AGRN: variants seen among roughly 807,000 people sequenced by gnomAD.
AGRN encodes agrin.
A neutral mutation model predicts 211.0 loss-of-function variants in AGRN; 106 were observed. The observed-to-expected ratio is 0.50, with a 90% CI of 0.43 to 0.59. The LOEUF (loss-of-function observed/expected upper bound fraction) is 0.59. AGRN is among the 20% of genes least tolerant of loss of function. AGRN has a pLI of 0.00. For missense variants in AGRN, 3,040 were observed against 2,982.6 expected, an observed-to-expected ratio of 1.02 and a Z score of -0.45; for synonymous variants, 1,525 against 1,332.5, an observed-to-expected ratio of 1.14 and a Z score of -3.15.
rs550001570 is a variant in AGRN, at chr1:1,025,984, T to TG, written c.463+3531dup. Among the ~76,000 whole-genome samples, 257 of 150,572 alleles carry TG rather than the reference T, an allele frequency of 1.7e-3. 1 individual carries two copies. Among genetic ancestry groups the TG allele is most frequent in the South Asian group, 6.6e-3 (31 of 4,686 alleles). On this transcript the variant is annotated intron_variant, in intron 2 of 35. Coordinates refer to ENST00000379370, the MANE Select transcript of AGRN (RefSeq NM_198576.4). ...TCCTGGGCTTGCCCCTGCCTTGGCC[T>TG]GGGGGGGGGCTTTGCTGGCTGAAAC...
rs779589340 is a variant in AGRN, at chr1:1,045,145, G to T, written c.2255-16G>T. 5.7e-5 allele frequency: 91 copies of T among 1,610,250 alleles called. No individual in the cohort carries two copies. The highest frequency in any genetic ancestry group is 7.5e-5 in the Non-Finnish European group (88 of 1,178,764). Reference sequence around the variant, plus strand: ...CAGCACTGCATGAAATCTGAGTCCCGTACCCTTTCCTGCAGGCCCCACCTT... The same window carrying T: ...CAGCACTGCATGAAATCTGAGTCCCTTACCCTTTCCTGCAGGCCCCACCTT... On this transcript the variant is annotated splice_polypyrimidine_tract_variant and intron_variant, in intron 12 of 35. Coordinates refer to ENST00000379370, the MANE Select transcript of AGRN (RefSeq NM_198576.4).
intron 2 of AGRN, among the ~76,000 whole-genome samples, chr1:1,028,128 G>A (rs916722280): frequency 2.0e-5 from 3 of 152,170 alleles, no homozygotes; most frequent in South Asian, 4.1e-4. Flanking sequence ...CAGGGAAGCC[G>A]GGAAGGAGCT....
intron 2 of AGRN, among the ~76,000 whole-genome samples, chr1:1,024,902 C>A (rs114268650): frequency 6.6e-6 from 1 of 152,230 alleles, no homozygotes; most frequent in Non-Finnish European, 1.5e-5. Context: ...AGGAGACCCC[C>A]GCCCCTGCTT....
At chr1:1,044,479 C>A in intron 12 of AGRN, 40 bp downstream of exon 12, 11 of 1,565,826 alleles carry the variant, frequency 7.0e-6, no homozygotes, top group Non-Finnish European at 9.5e-6. Flanking sequence ...ACAGGCGGGG[C>A]GGCGTCTGGG....
In AGRN at chr1:1,041,387, C is replaced by A. The variant is rs1257343645; in HGVS notation, c.942C>A (p.Asp314Glu). 1 of 1,542,162 alleles carries A rather than the reference C, an allele frequency of 6.5e-7. No homozygotes were observed. Among genetic ancestry groups the A allele is most frequent in the East Asian group, 2.4e-5 (1 of 42,070 alleles). The change falls in exon 5 of 36, where the codon GAC becomes GAA. Residue 314 changes from aspartate (D) to glutamate (E), a missense_variant. This residue lies in a region of AGRN where 1,498 missense variants were observed against 1,457.8 expected (regional missense o/e 1.03). Coordinates refer to ENST00000379370, the MANE Select transcript of AGRN (RefSeq NM_198576.4). ...AGGAGAATGTCTTCAAGAAGTTCGA[C>A]GGCCCTTGTGGTGAGCGCGGCGGCG... is the stretch of plus-strand genomic sequence containing the variant. ...ARQENVFKKF[D>E]GPCDPCQGAL... is the part of the protein sequence containing the mutation.
chr1:1,034,635 G>A (rs1644756330), intron 2 of AGRN: 1 of 987,586 alleles, frequency 1.0e-6, no homozygotes, highest in Non-Finnish European at 1.2e-6. Context: ...ATGGTGCCCT[G>A]CAACGCCTGC....
intron 33 of AGRN, chr1:1,052,474 G>A (rs1033485159): frequency 1.8e-5 from 5 of 281,292 alleles, no homozygotes; most frequent in Non-Finnish European, 3.5e-5. Context: ...ATGGCTCCAT[G>A]TATGTGTGTG....
rs2275811 is a variant in AGRN at position 1,050,080 on chromosome 1, T to C, written c.4879+43T>C. 0.079 allele frequency: 117,612 copies of C among 1,496,274 alleles called. 16,710 individuals carry two copies. The highest frequency in any genetic ancestry group is 0.53 in the African/African-American group (34,770 of 65,208). The allele number at this position is 1,496,274 out of a possible 1,614,324, so 92.7% of individuals were successfully genotyped here. ...CTCGGGGCAGGGGGGGGGGGGGGGT[T>C]GAACGTTTGGGCGGGTACAGGTTCC... On this transcript the variant is annotated intron_variant, in intron 27 of 35. Coordinates refer to ENST00000379370, the MANE Select transcript of AGRN (RefSeq NM_198576.4).
Position 1,049,749 on chromosome 1 carries a change from C to A in AGRN, c.4698C>A (p.Asn1566Lys). Residue 1566 changes from asparagine (N) to lysine (K), a missense_variant, in exon 26 of 36, where the codon AAC (asparagine) becomes AAA (lysine). Around this residue, in one of 3 missense-constraint regions of AGRN, gnomAD observed 1,537 missense variants for 1,505.0 expected, o/e 1.02. Coordinates refer to ENST00000379370, the MANE Select transcript of AGRN (RefSeq NM_198576.4). Reference sequence around the variant, plus strand: ...GCCATGGCGGGGCCCCATGCCAGAACCTGGAGGCTGGAAGGTTCCATTGCC... The same window carrying A: ...GCCATGGCGGGGCCCCATGCCAGAAACTGGAGGCTGGAAGGTTCCATTGCC... The part of the protein sequence containing the change: ...NPCHGGAPCQ[N>K]LEAGRFHCQC... 1 of 1,579,270 alleles carries A rather than the reference C, an allele frequency of 6.3e-7. No homozygotes were observed. The highest frequency in any genetic ancestry group is 8.6e-7 in the Non-Finnish European group (1 of 1,164,944).
At chr1:1,050,904 GC>G in intron 30 of AGRN, 67 bp downstream of exon 30, 1 of 1,526,332 alleles carries the variant, frequency 6.6e-7, no homozygotes, top group Non-Finnish European at 8.8e-7. Context: ...CGGCAGCCCC[GC>G]CCCTGCCGGC....
At chr1:1,034,749 CGAGGCCCCTGCACATAGAGGCTG>C in intron 2 of AGRN, 1 of 1,009,128 alleles carries the variant, frequency 9.9e-7, no homozygotes, top group Non-Finnish European at 1.2e-6. Flanking sequence ...GCCCCAACCC[CGAGGCCCCTGCACATAGAGGCTG>C]GAGGCCGCGG....
chr1:1,051,016 G>A (rs539249869), intron 30 of AGRN, 179 bp downstream of exon 30: 40 of 1,549,320 alleles, frequency 2.6e-5, no homozygotes, highest in East Asian at 1.2e-4. Context: ...AACCCCACCC[G>A]CTCTTCGGAG....
At chr1:1,043,168 G>A (rs946198560) in intron 7 of AGRN, 71 bp from the exon 8 acceptor site, 25 of 1,500,902 alleles carry the variant, frequency 1.7e-5, no homozygotes, top group African/African-American at 5.5e-5. Flanking sequence ...GGACTGCTGC[G>A]TGGGGCTGGG....
At position 1,034,928 on chromosome 1, in the gene AGRN, G is replaced by C. The variant is rs1570171124; in HGVS notation, c.464-349G>C. The C allele has an allele frequency of 2.4e-5, 10 of 424,070 alleles. No individual in the cohort carries two copies. In the East Asian group the frequency reaches 4.1e-4, roughly 17 times the overall value. 26.3% of individuals were successfully genotyped at this position (424,070 alleles called of 1,614,324 possible). A position where few individuals can be genotyped will look rare whatever the true frequency, so the allele number is the denominator to read the frequency against. On this transcript the variant is annotated intron_variant, in intron 2 of 35. Transcript: ENST00000379370. ...AACACTTTCTGCGGGAGCTGGGGAG[G>C]GAGGGGCAGCCGGCTACACTGAGAG...
rs758854920 is a variant in AGRN, at chr1:1,042,079, G to A, written c.1301G>A (p.Arg434His). The A allele has an allele frequency of 2.5e-6, 4 of 1,606,018 alleles. No homozygotes were observed. Among genetic ancestry groups the A allele is most frequent in the Non-Finnish European group, 3.4e-6 (4 of 1,179,376 alleles). ...AYRPVCAQDGRTYDSDCWRQQ... is the reference protein window; with the variant it reads ...AYRPVCAQDGHTYDSDCWRQQ... ...AGGCCCGTGTGTGCCCAGGACGGGC[G>A]CACGTATGACAGTGATTGCTGGCGG... Residue 434 changes from arginine (R) to histidine (H), a missense_variant, in exon 7 of 36, where the codon CGC becomes CAC. This residue lies in a region of AGRN where 1,498 missense variants were observed against 1,457.8 expected (regional missense o/e 1.03). Transcript: ENST00000379370.
chr1:1,052,079 G>A, intron 33 of AGRN: 1 of 1,458,464 alleles, frequency 6.9e-7, no homozygotes, highest in Non-Finnish European at 9.2e-7. Context: ...TCCTGGTGGG[G>A]AGCAGAGTCC....
chr1:1,053,806 C>T lies in AGRN; in HGVS notation c.5705C>T (p.Thr1902Met), dbSNP rs775047750. The part of the protein sequence containing the change: ...HFELSLRTEA[T>M]QGLVLWSGKA... Reference sequence around the variant, plus strand: ...GAACTGAGCCTGCGCACTGAGGCCACGCAGGGGCTGGTGCTCTGGAGTGGC... The same window carrying T: ...GAACTGAGCCTGCGCACTGAGGCCATGCAGGGGCTGGTGCTCTGGAGTGGC... Residue 1902 changes from threonine to methionine, a missense_variant, in exon 34 of 36, where the codon ACG becomes ATG. By Grantham distance (81) the Thr-to-Met change is moderately conservative. This residue lies in a region of AGRN where 1,537 missense variants were observed against 1,505.0 expected (regional missense o/e 1.02). Coordinates refer to ENST00000379370, the MANE Select transcript of AGRN (RefSeq NM_198576.4). 11 of 1,611,072 alleles carry T rather than the reference C, an allele frequency of 6.8e-6. No homozygotes were observed. Among genetic ancestry groups the T allele is most frequent in the African/African-American group, 2.7e-5 (2 of 74,936 alleles).
In AGRN at chr1:1,054,542, C is replaced by T; in HGVS notation, c.5971C>T (p.Leu1991=). The T allele has an allele frequency of 6.3e-7, 1 of 1,594,614 alleles. No homozygotes were observed. Among genetic ancestry groups the T allele is most frequent in the Non-Finnish European group, 8.5e-7 (1 of 1,171,978 alleles). ...GATQLDTDGA[L]WLGGLPELPV... ...CACGCAGCTGGACACTGATGGAGCCCTGTGGCTTGGTGAGTGTTTTGGGGA... is the reference window on the plus strand; with the variant it reads ...CACGCAGCTGGACACTGATGGAGCCTTGTGGCTTGGTGAGTGTTTTGGGGA... Residue 1991 remains leucine (L), a synonymous_variant, in exon 35 of 36, where the codon CTG becomes TTG. Transcript: ENST00000379370.
chr1:1,040,658 G>A lies in AGRN; in HGVS notation c.512-7G>A, dbSNP rs1400971937. On this transcript the variant is annotated splice_polypyrimidine_tract_variant and splice_region_variant and intron_variant, in intron 3 of 35. Coordinates refer to ENST00000379370, the MANE Select transcript of AGRN (RefSeq NM_198576.4). ...GCACCCTGAGCTTTCTCCCCTACCCGCCCCAGCGTGCCGGGGAATGCTGTG... is the reference window on the plus strand; with the variant it reads ...GCACCCTGAGCTTTCTCCCCTACCCACCCCAGCGTGCCGGGGAATGCTGTG... The A allele has an allele frequency of 6.5e-7, 1 of 1,547,112 alleles. No individual in the cohort carries two copies.
Sources: allele counts gnomAD v4.1 joint callset (sites outside exome capture counted in the v4.1 genomes callset), GRCh38; gene constraint gnomAD v4.1.1; regional missense constraint gnomAD v4.1.1; transcripts MANE v1.5; gene names NCBI Gene and HGNC (gene_info 2026-07-23, HGNC 2026-07-21).